The following IQSEC2 variants were observed in gnomAD, a reference collection of about 807,000 sequenced individuals.
The protein encoded by IQSEC2 is IQ motif and Sec7 domain ArfGEF 2.
A neutral mutation model predicts 74.6 loss-of-function variants in IQSEC2; 6 were observed. That is an observed-to-expected ratio of 0.08 (90% CI 0.04 to 0.16). The LOEUF (loss-of-function observed/expected upper bound fraction) is 0.16, where lower values mean the gene tolerates loss of function less well. IQSEC2 is among the 10% of genes least tolerant of loss of function. The pLI is 1.00. For synonymous variants in IQSEC2, 494 were observed against 544.5 expected (o/e 0.91, Z 1.29); for missense variants, 734 against 1,306.2 (o/e 0.56, Z 6.75).
Position 53,234,932 on chromosome X carries a change from C to T in IQSEC2, c.3754G>A (p.Gly1252Ser). The T allele has an allele frequency of 2.6e-6, 3 of 1,167,008 alleles. No homozygotes were observed. The highest frequency in any genetic ancestry group is 3.4e-6 in the Non-Finnish European group (3 of 872,836). ...CCATCAGGCAGCACCCCCAGGCCACCGTGGCTATGGCCATGATGGTGGTGG... is the reference window on the plus strand; with the variant it reads ...CCATCAGGCAGCACCCCCAGGCCACTGTGGCTATGGCCATGATGGTGGTGG... ...HHHHHHGHSH[G>S]GLGVLPDGQS... The change falls in exon 15 of 15, where the codon GGT (glycine) becomes AGT (serine). Residue 1252 changes from glycine to serine, a missense_variant. Gly to Ser is a moderately conservative substitution (Grantham distance 56). This residue lies in a region of IQSEC2 where 249 missense variants were observed against 467.9 expected (regional missense o/e 0.53). Coordinates refer to ENST00000642864, the MANE Select transcript of IQSEC2 (RefSeq NM_001111125.3).
chrX:53,282,422 T>C (rs375021697), intron 2 of IQSEC2, among the ~76,000 whole-genome samples: 4 of 110,464 alleles, frequency 3.6e-5, no homozygotes, highest in African/African-American at 1.3e-4. Flanking sequence ...AAGGAGAGAG[T>C]TTTTTGGCTT....
intron 2 of IQSEC2, among the ~76,000 whole-genome samples, chrX:53,273,282 T>C (rs1395371837): frequency 1.8e-5 from 2 of 110,580 alleles, no homozygotes; most frequent in Non-Finnish European, 3.8e-5. Context: ...TTGCCCCTCA[T>C]CTGGCAGCCT....
At chrX:53,281,393 C>G in intron 2 of IQSEC2, 1 of 468,583 alleles carries the variant, frequency 2.1e-6, no homozygotes, top group Non-Finnish European at 3.6e-6. Flanking sequence ...AGAAGGGAGC[C>G]AGGAACCAGG....
At chrX:53,309,759 T>C (rs1329728530) in intron 1 of IQSEC2, among the ~76,000 whole-genome samples, 3 of 112,175 alleles carry the variant, frequency 2.7e-5, no homozygotes, top group African/African-American at 9.7e-5. Context: ...TTGAGGGTGC[T>C]TACTCCAAGA....
At chrX:53,283,987 C>A (rs1198558040) in intron 2 of IQSEC2, among the ~76,000 whole-genome samples, 1 of 111,005 alleles carries the variant, frequency 9.0e-6, no homozygotes, top group Non-Finnish European at 1.9e-5. Context: ...ACTGACGTGG[C>A]GGGGTGGGAA....
intron 1 of IQSEC2, 105 bp from the exon 2 acceptor site, chrX:53,292,029 T>G: frequency 1.6e-6 from 1 of 638,322 alleles, no homozygotes. Context: ...CTAATGCACA[T>G]CACAAAAATG....
chrX:53,282,495 G>C (rs1318711595), intron 2 of IQSEC2, among the ~76,000 whole-genome samples: 3 of 112,863 alleles, frequency 2.7e-5, no homozygotes, highest in African/African-American at 9.6e-5. Flanking sequence ...GTCCTTTCAC[G>C]GTCCCAGAGC....
intron 4 of IQSEC2, among the ~76,000 whole-genome samples, chrX:53,251,482 C>T (rs1345698607): frequency 3.6e-5 from 4 of 111,586 alleles, no homozygotes; most frequent in Non-Finnish European, 7.5e-5. Context: ...TACCTCCTCC[C>T]TGATTCAAGC....
At chrX:53,245,040 CA>C (rs2074282294) in intron 8 of IQSEC2, among the ~76,000 whole-genome samples, 1 of 110,309 alleles carries the variant, frequency 9.1e-6, no homozygotes, top group Admixed American at 9.7e-5. Context: ...GAGACAGCTC[CA>C]AATGGCCTCT....
At chrX:53,283,534 A>G (rs2074996570) in intron 2 of IQSEC2, among the ~76,000 whole-genome samples, 1 of 112,242 alleles carries the variant, frequency 8.9e-6, no homozygotes, top group Non-Finnish European at 1.9e-5. Context: ...GAGGCAGAGG[A>G]GACCCATGGG....
chrX:53,295,659 T>C (rs181103460), intron 1 of IQSEC2, among the ~76,000 whole-genome samples: 107 of 100,472 alleles, frequency 1.1e-3, no homozygotes, highest in Non-Finnish European at 2.0e-3. Context: ...AGAGAATAAA[T>C]GGCAGAATAT....
intron 2 of IQSEC2, among the ~76,000 whole-genome samples, chrX:53,261,893 A>C (rs1222863085): frequency 8.9e-6 from 1 of 112,028 alleles, no homozygotes; most frequent in Non-Finnish European, 1.9e-5. Flanking sequence ...ATAAACTCGC[A>C]CTTACTGCGC....
chrX:53,296,934 T>C (rs782082399), intron 1 of IQSEC2, among the ~76,000 whole-genome samples: 10 of 111,853 alleles, frequency 8.9e-5, no homozygotes, highest in African/African-American at 2.9e-4. Context: ...ACTGAACAAC[T>C]GTGCCCTCCT....
chrX:53,291,884 G>A lies in IQSEC2; in HGVS notation c.737+11C>T, dbSNP rs1556873115. 2 of 1,162,940 alleles carry A rather than the reference G, an allele frequency of 1.7e-6. No homozygotes were observed. The highest frequency in any genetic ancestry group is 3.3e-5 in the East Asian group (1 of 30,708). On this transcript the variant is annotated intron_variant, in intron 2 of 14. Transcript: ENST00000642864. ...ATCTCCCAACTAGTACTAAAGAAAG[G>A]AGGTACTGACCTGACTGTTCTGGAA...
At chrX:53,268,269 G>A (rs2147189883) in intron 2 of IQSEC2, among the ~76,000 whole-genome samples, 1 of 111,431 alleles carries the variant, frequency 9.0e-6, no homozygotes, top group African/African-American at 3.3e-5. Flanking sequence ...AAGGAACGCA[G>A]ACAGGGAAGT....
Position 53,255,972 on chromosome X carries a change from G to T in IQSEC2, c.827C>A (p.Pro276His), listed in dbSNP as rs782534407. Residue 276 changes from proline (P) to histidine (H), a missense_variant, in exon 3 of 15, where the codon CCC (proline) becomes CAC (histidine). Around this residue, in one of 12 missense-constraint regions of IQSEC2, gnomAD observed 54 missense variants for 62.1 expected, o/e 0.87. Coordinates refer to ENST00000642864, the MANE Select transcript of IQSEC2 (RefSeq NM_001111125.3). ...GGGGCCCCCCATGTGGCTGCTGGAG[G>T]GGGGCAGCTGGCTCAGCCGGTAGGG... ...QPPYRLSQLP[P>H]SSSHMGGPPA... 2 of 1,191,797 alleles carry T rather than the reference G, an allele frequency of 1.7e-6. No individual in the cohort carries two copies. Among genetic ancestry groups the T allele is most frequent in the Non-Finnish European group, 2.3e-6 (2 of 883,665 alleles).
At chrX:53,249,369 G>A (rs2147092356) in intron 5 of IQSEC2, among the ~76,000 whole-genome samples, 1 of 111,537 alleles carries the variant, frequency 9.0e-6, no homozygotes, top group South Asian at 3.8e-4. Context: ...AGATTTCCAG[G>A]GAGCTGGGCC....
rs782748833 is a variant in IQSEC2, at chrX:53,239,256, C to A, written c.3054G>T (p.Thr1018=). ...KIFQKKKILV[T]YSFRQSFPLV... is the part of the protein sequence containing the mutation. ...GGGGGAAAGACTGACGGAAACTGTA[C>A]GTCACCAAGATCTTCTTCTTCTGGA... The change falls in exon 11 of 15, where the codon ACG becomes ACT. Residue 1018 remains threonine (T), a synonymous_variant. Transcript: ENST00000642864. The A allele has an allele frequency of 1.7e-6, 2 of 1,209,976 alleles. No homozygotes were observed. Among genetic ancestry groups the A allele is most frequent in the Non-Finnish European group, 2.2e-6 (2 of 894,219 alleles).
intron 1 of IQSEC2, among the ~76,000 whole-genome samples, chrX:53,295,865 C>A (rs1182245848): frequency 9.1e-6 from 1 of 110,285 alleles, no homozygotes; most frequent in Non-Finnish European, 1.9e-5. Context: ...GAAATTAGAT[C>A]AAGAAGCTTG....
Sources: allele counts gnomAD v4.1 joint callset (sites outside exome capture counted in the v4.1 genomes callset), GRCh38; gene constraint gnomAD v4.1.1; regional missense constraint gnomAD v4.1.1; transcripts MANE v1.5; gene names NCBI Gene and HGNC (gene_info 2026-07-23, HGNC 2026-07-21).